Variants in STXBP6 observed in about 807,000 individuals in gnomAD.
STXBP6 encodes syntaxin binding protein 6.
A neutral mutation model predicts 26.9 loss-of-function variants in STXBP6; 21 were observed. The observed-to-expected ratio is 0.78, with a 90% confidence interval of 0.55 to 1.12. The LOEUF (loss-of-function observed/expected upper bound fraction) is 1.12, where lower values mean the gene tolerates loss of function less well. Ranked by LOEUF, STXBP6 falls within the 50% of genes most tolerant of loss-of-function variation. STXBP6 has a pLI of 0.00. For synonymous variants in STXBP6, 97 were observed against 92.6 expected (o/e 1.05, Z -0.27); for missense variants, 232 against 257.9 (o/e 0.90, Z 0.69).
chr14:24,827,036 A>G (rs762431025), intron 4 of STXBP6, among the ~76,000 whole-genome samples: 2 of 152,088 alleles, frequency 1.3e-5, no homozygotes, highest in South Asian at 2.1e-4. Context: ...CCCCATCTCT[A>G]TAAGAAATAC....
At chr14:24,921,280 C>G (rs1421859977) in intron 2 of STXBP6, among the ~76,000 whole-genome samples, 3 of 152,130 alleles carry the variant, frequency 2.0e-5, no homozygotes, top group African/African-American at 4.8e-5. Flanking sequence ...TCAACACAAA[C>G]CTGGTATAAG....
intron 1 of STXBP6, among the ~76,000 whole-genome samples, chr14:25,012,862 T>G (rs1458707962): frequency 6.6e-6 from 1 of 152,100 alleles, no homozygotes; most frequent in South Asian, 2.1e-4. Context: ...AGGTTATATA[T>G]CAAAAGGATT....
intron 1 of STXBP6, among the ~76,000 whole-genome samples, chr14:24,989,557 G>A (rs767754726): frequency 2.0e-5 from 3 of 152,188 alleles, no homozygotes; most frequent in Non-Finnish European, 4.4e-5. Flanking sequence ...CTCTGATAAA[G>A]TGCCACAAAG....
At chr14:25,036,008 AG>A (rs1221443741) in intron 1 of STXBP6, among the ~76,000 whole-genome samples, 1 of 151,948 alleles carries the variant, frequency 6.6e-6, no homozygotes, top group African/African-American at 2.4e-5. Context: ...ACCTGAGGTC[AG>A]GGGTTCGAGA....
Position 25,049,935 on chromosome 14 carries a change from G to T in STXBP6, c.-90C>A. 1.1e-6 allele frequency: 1 copy of T among 951,824 alleles called. No individual in the cohort carries two copies. Among genetic ancestry groups the T allele is most frequent in the South Asian group, 4.9e-5 (1 of 20,590 alleles). The allele number at this position is 951,824 out of a possible 1,614,324, so 59.0% of individuals were successfully genotyped here. ...GTGCGCGGCACGCGTCCCAGAGCACGAGGCTCCTCCCCGGGGGGCTGCCCC... is the reference window on the plus strand; with the variant it reads ...GTGCGCGGCACGCGTCCCAGAGCACTAGGCTCCTCCCCGGGGGGCTGCCCC... On this transcript the variant is annotated 5_prime_UTR_variant, in exon 1 of 6. Transcript: ENST00000323944. This position sits in a 1 kb window ranked among gnomAD's most constrained non-coding sequence, Gnocchi z 5.6.
intron 2 of STXBP6, among the ~76,000 whole-genome samples, chr14:24,921,514 G>A (rs912397322): frequency 6.6e-6 from 1 of 152,210 alleles, no homozygotes; most frequent in African/African-American, 2.4e-5. Flanking sequence ...GTCTCGTTTA[G>A]CATTCCTTTT....
chr14:24,952,794 A>C (rs1294926450), intron 2 of STXBP6, among the ~76,000 whole-genome samples: 1 of 152,190 alleles, frequency 6.6e-6, no homozygotes, highest in Non-Finnish European at 1.5e-5. Context: ...TGCTGTCCAT[A>C]AATTTCATCA....
chr14:24,919,842 C>T (rs896606137), intron 2 of STXBP6, among the ~76,000 whole-genome samples: 3 of 152,092 alleles, frequency 2.0e-5, no homozygotes, highest in African/African-American at 7.2e-5. Flanking sequence ...TATAAATCTT[C>T]ACTTGCTTAC....
chr14:25,007,698 T>G (rs776086255), intron 1 of STXBP6, among the ~76,000 whole-genome samples: 8 of 152,230 alleles, frequency 5.3e-5, no homozygotes, highest in Non-Finnish European at 8.8e-5. Context: ...GTGGAAGGAA[T>G]GGATGAAATC....
intron 2 of STXBP6, among the ~76,000 whole-genome samples, chr14:24,906,639 A>T (rs1169949046): frequency 6.6e-6 from 1 of 152,212 alleles, no homozygotes; most frequent in Non-Finnish European, 1.5e-5. Flanking sequence ...ACAAATTTTC[A>T]TTTAAAGCTG....
At position 24,851,516 on chromosome 14, in the gene STXBP6, ATCAT is replaced by A. The variant is rs530109321; in HGVS notation, c.451+4416_451+4419del. 1.1e-4 allele frequency among the ~76,000 whole-genome samples: 16 copies of A among 151,966 alleles called. No homozygotes were observed. The East Asian group carries it at 3.1e-3, about 29-fold the overall frequency. ...GGTTTTTTGTCCTTGCAACAGAACCATCATTCTCAACATCTGTTTGAAATGAATT... is the reference window on the plus strand; with the variant it reads ...GGTTTTTTGTCCTTGCAACAGAACCATCTCAACATCTGTTTGAAATGAATT... On this transcript the variant is annotated intron_variant, in intron 4 of 5. Transcript: ENST00000323944.
intron 2 of STXBP6, among the ~76,000 whole-genome samples, chr14:24,967,995 T>C (rs1251377384): frequency 6.6e-6 from 1 of 152,138 alleles, no homozygotes; most frequent in Non-Finnish European, 1.5e-5. Flanking sequence ...TGACCTCTGA[T>C]GAACACTGGT....
chr14:25,004,071 C>G (rs913978470), intron 1 of STXBP6, among the ~76,000 whole-genome samples: 1 of 152,154 alleles, frequency 6.6e-6, no homozygotes. Flanking sequence ...GTACACCAGA[C>G]AAGTTGACAT....
intron 5 of STXBP6, 21 bp downstream of exon 5, chr14:24,819,016 C>G (rs116665146): frequency 3.2e-6 from 5 of 1,553,816 alleles, no homozygotes; most frequent in Admixed American, 1.9e-5. Context: ...AGCTGAGAAG[C>G]CTGCTCCTCT....
chr14:24,932,233 T>C (rs183980524), intron 2 of STXBP6, among the ~76,000 whole-genome samples: 17 of 152,230 alleles, frequency 1.1e-4, no homozygotes, highest in Admixed American at 5.9e-4. Context: ...ATGGTGAAAC[T>C]CCATCTCTAC....
At chr14:24,866,091 T>A (rs1358085903) in intron 2 of STXBP6, among the ~76,000 whole-genome samples, 1 of 152,148 alleles carries the variant, frequency 6.6e-6, no homozygotes, top group Non-Finnish European at 1.5e-5. Flanking sequence ...GATTAACATT[T>A]AAATCTGTGG....
At chr14:24,985,886 C>A (rs766868682) in intron 1 of STXBP6, among the ~76,000 whole-genome samples, 1 of 152,136 alleles carries the variant, frequency 6.6e-6, no homozygotes, top group Non-Finnish European at 1.5e-5. Flanking sequence ...CCTCACTTAA[C>A]ACATAAGGAA....
intron 1 of STXBP6, among the ~76,000 whole-genome samples, chr14:24,995,794 A>G (rs939527605): frequency 8.5e-5 from 13 of 152,176 alleles, no homozygotes; most frequent in East Asian, 1.9e-4. Flanking sequence ...TTACCAGCCC[A>G]TATCTTTCCC....
chr14:24,944,691 G>A (rs2072918646), intron 2 of STXBP6, among the ~76,000 whole-genome samples: 1 of 152,140 alleles, frequency 6.6e-6, no homozygotes, highest in Non-Finnish European at 1.5e-5. Context: ...ACTAGACTAT[G>A]AAGACTTATA....
Sources: gnomAD v4.1 joint callset for allele counts (sites outside exome capture counted in the v4.1 genomes callset) on GRCh38, gnomAD v4.1.1 for gene constraint, Gnocchi (gnomAD v3.1) non-coding constraint, MANE v1.5 for transcripts, NCBI Gene and HGNC (gene_info 2026-07-23, HGNC 2026-07-21) for gene names.